ADH1C: variants seen among roughly 807,000 people sequenced by gnomAD.
The protein encoded by ADH1C is alcohol dehydrogenase 1C (class I), gamma polypeptide.
In ADH1C, 26 loss-of-function variants were observed where a neutral mutation model predicts 35.0. The observed-to-expected ratio is 0.74, with a 90% CI of 0.54 to 1.03. ADH1C has a LOEUF of 1.03. Among genes scored for constraint, ADH1C ranks in the 50% least tolerant of loss-of-function variants. The probability of loss-of-function intolerance (pLI) is 0.00; values close to 1 mark genes in which losing one functional copy is unlikely to be tolerated. For missense variants in ADH1C, 413 were observed against 465.4 expected (o/e 0.89, Z 1.04); for synonymous variants, 170 against 169.3 (o/e 1.00, Z -0.03).
At position 99,344,954 on chromosome 4, in the gene ADH1C, C is replaced by T. The variant is rs753685476; in HGVS notation, c.475G>A (p.Ala159Thr). ...QYTVVDENAV[A>T]KIDAASPLEK... ...AGGGGCGAGGCTGCATCAATTTTGG[C>T]CACTGCATTCTCATCCACCACTGTG... The change falls in exon 5 of 9, where the codon GCC (alanine) becomes ACC (threonine). Residue 159 changes from alanine to threonine, a missense_variant. Ala to Thr is a moderately conservative substitution (Grantham distance 58, BLOSUM62 0). Transcript: ENST00000515683. The T allele has an allele frequency of 2.7e-5, 44 of 1,614,042 alleles. No individual in the cohort carries two copies. Among genetic ancestry groups the T allele is most frequent in the Non-Finnish European group, 3.5e-5 (41 of 1,180,038 alleles).
At chr4:99,339,927 C>CTCACAGAGAAATTATAGTACAGATG (rs1187527288) in intron 7 of ADH1C, among the ~76,000 whole-genome samples, 2 of 152,212 alleles carry the variant, frequency 1.3e-5, no homozygotes, top group Non-Finnish European at 2.9e-5. Context: ...TATTCTCTCT[C>CTCACAGAGAAATTATAGTACAGATG]TCACAGAGAA....
chr4:99,352,574 A>T (rs920636937), intron 1 of ADH1C, 84 bp downstream of exon 1: 40 of 1,213,750 alleles, frequency 3.3e-5, no homozygotes, highest in Non-Finnish European at 4.5e-5. Context: ...TTTAAATTTT[A>T]AATTATTCAT....
At chr4:99,348,562 T>C (rs1488435282) in intron 1 of ADH1C, among the ~76,000 whole-genome samples, 2 of 150,810 alleles carry the variant, frequency 1.3e-5, no homozygotes, top group African/African-American at 4.9e-5. Context: ...GTCTTTGCTA[T>C]TGTGAATAAT....
intron 5 of ADH1C, among the ~76,000 whole-genome samples, chr4:99,343,485 T>C (rs901490462): frequency 6.6e-6 from 1 of 152,194 alleles, no homozygotes; most frequent in South Asian, 2.1e-4. Context: ...CAGTATCTCA[T>C]ACATACACCA....
chr4:99,341,576 TGGCATTTGTCCCAGGTCAA>T (rs939221391), intron 6 of ADH1C, among the ~76,000 whole-genome samples: 5 of 152,192 alleles, frequency 3.3e-5, no homozygotes, highest in Admixed American at 2.0e-4. Flanking sequence ...TATTCCTCTG[TGGCATTTGTCCCAGGTCAA>T]GGCTGCTGGG....
intron 8 of ADH1C, 135 bp downstream of exon 8, chr4:99,339,442 C>T: frequency 1.3e-6 from 1 of 773,044 alleles, no homozygotes; most frequent in Non-Finnish European, 2.0e-6. Flanking sequence ...AAAGATTGAA[C>T]TGGCAATGGA....
At chr4:99,340,742 C>T (rs181856521) in intron 6 of ADH1C, 32 bp from the exon 7 acceptor site, 19 of 1,611,734 alleles carry the variant, frequency 1.2e-5, no homozygotes, top group African/African-American at 4.0e-5. Context: ...GTATCCTTAA[C>T]GTGGAGTGGC....
At chr4:99,338,117 T>C (rs955204916) in intron 8 of ADH1C, among the ~76,000 whole-genome samples, 2 of 151,658 alleles carry the variant, frequency 1.3e-5, no homozygotes, top group African/African-American at 4.8e-5. Flanking sequence ...TATCAATTAC[T>C]ATGAAAGTAT....
chr4:99,352,615 T>C (rs542843719), intron 1 of ADH1C, 43 bp downstream of exon 1: 3 of 1,517,544 alleles, frequency 2.0e-6, no homozygotes, highest in Admixed American at 1.7e-5. Flanking sequence ...ATTTGTTATA[T>C]TGAAGAGAAT....
intron 5 of ADH1C, among the ~76,000 whole-genome samples, chr4:99,343,869 T>C (rs1483987115): frequency 6.6e-6 from 1 of 152,184 alleles, no homozygotes; most frequent in East Asian, 1.9e-4. Flanking sequence ...TAGTCTCCCA[T>C]AGTCAGCCTT....
chr4:99,345,154 T>C (rs560665811), intron 4 of ADH1C, 25 bp downstream of exon 4: 2 of 1,613,780 alleles, frequency 1.2e-6, no homozygotes, highest in Non-Finnish European at 8.5e-7. Flanking sequence ...TCAAAGTCTG[T>C]GCAAAGAAAG....
chr4:99,350,302 G>T (rs1734644927), intron 1 of ADH1C, among the ~76,000 whole-genome samples: 2 of 152,056 alleles, frequency 1.3e-5, no homozygotes, highest in African/African-American at 2.4e-5. Flanking sequence ...TTTTTGGGGT[G>T]CAGGTTGTTT....
chr4:99,345,077 C>G lies in ADH1C; in HGVS notation c.352G>C (p.Gly118Arg), dbSNP rs181982105. ...TCCTGCAGGGTCCCCCGAGGATTGC[C>G]TAGACTGGGCAGTGCAATACAAAGA... ...ESNYCLKNDLGNPRGTLQDGT... is the reference protein window; with the variant it reads ...ESNYCLKNDLRNPRGTLQDGT... Residue 118 changes from glycine (G) to arginine (R), a missense_variant, in exon 5 of 9, where the codon GGC (glycine) becomes CGC (arginine). Gly to Arg is a moderately radical substitution (Grantham distance 125). Transcript: ENST00000515683. 26 of 1,614,048 alleles carry G rather than the reference C, an allele frequency of 1.6e-5. No homozygotes were observed. The South Asian group carries it at 2.7e-4, about 17-fold the overall frequency.
At chr4:99,338,380 G>A (rs1579526088) in intron 8 of ADH1C, among the ~76,000 whole-genome samples, 1 of 101,472 alleles carries the variant, frequency 9.9e-6, no homozygotes, top group South Asian at 4.0e-4. Context: ...ATTAACCTTT[G>A]ATGAATACTG....
intron 6 of ADH1C, among the ~76,000 whole-genome samples, chr4:99,342,322 G>C (rs1232305310): frequency 6.6e-6 from 1 of 152,082 alleles, no homozygotes; most frequent in African/African-American, 2.4e-5. Flanking sequence ...CATATTTTCT[G>C]TTAATAAAAT....
intron 2 of ADH1C, 84 bp from the exon 3 acceptor site, chr4:99,347,228 T>C: frequency 6.7e-7 from 1 of 1,500,490 alleles, no homozygotes; most frequent in Non-Finnish European, 9.0e-7. Context: ...TCTAAAATTG[T>C]TATTCAAAAA....
chr4:99,345,128 T>C, intron 4 of ADH1C, 47 bp from the exon 5 acceptor site: 1 of 1,613,962 alleles, frequency 6.2e-7, no homozygotes, highest in South Asian at 1.1e-5. Context: ...GACAGGACCA[T>C]AACTAATGTG....
intron 3 of ADH1C, among the ~76,000 whole-genome samples, chr4:99,345,647 T>A (rs994630370): frequency 6.6e-6 from 1 of 152,224 alleles, no homozygotes; most frequent in African/African-American, 2.4e-5. Context: ...TAAATTTTAG[T>A]TGAAAGTAGC....
Position 99,336,591 on chromosome 4 carries a change from A to G in ADH1C, c.*161T>C, listed in dbSNP as rs1734281910. 1.1e-6 allele frequency: 1 copy of G among 895,234 alleles called. No individual in the cohort carries two copies. The highest frequency in any genetic ancestry group is 1.7e-5 in the African/African-American group (1 of 58,626). The allele number at this position is 895,234 out of a possible 1,614,324, so 55.5% of individuals were successfully genotyped here. A position where few individuals can be genotyped will look rare whatever the true frequency, so the allele number is the denominator to read the frequency against. Reference sequence around the variant, plus strand: ...TGGATTTTAAACATTTGCTTGACAAATAATTTCCCATCAATTTCCATTTCT... The same window carrying G: ...TGGATTTTAAACATTTGCTTGACAAGTAATTTCCCATCAATTTCCATTTCT... On this transcript the variant is annotated 3_prime_UTR_variant, in exon 9 of 9. Coordinates refer to ENST00000515683, the MANE Select transcript of ADH1C (RefSeq NM_000669.5).
Sources: allele counts gnomAD v4.1 joint callset (sites outside exome capture counted in the v4.1 genomes callset), GRCh38; gene constraint gnomAD v4.1.1; transcripts MANE v1.5; gene names NCBI Gene and HGNC (gene_info 2026-07-23, HGNC 2026-07-21).